The following DPP10 variants were observed in gnomAD, a reference collection of about 807,000 sequenced individuals.
DPP10 encodes the protein dipeptidyl peptidase like 10.
DPP10 carries 33 observed loss-of-function variants against 120.9 expected under a neutral mutation model. That is an observed-to-expected ratio of 0.27 (90% confidence interval 0.21 to 0.37). The LOEUF is 0.37. Ranked by LOEUF, DPP10 falls within the 10% of genes least tolerant of loss-of-function variation. DPP10 has a pLI of 1.00. For synonymous variants in DPP10, 337 were observed against 326.1 expected (o/e 1.03, Z -0.36); for missense variants, 816 against 942.8 (o/e 0.87, Z 1.76).
chr2:115,074,443 C>T (rs986160920), intron 1 of DPP10, among the ~76,000 whole-genome samples: 2 of 152,116 alleles, frequency 1.3e-5, no homozygotes, highest in African/African-American at 2.4e-5. Context: ...CATAGCCACA[C>T]GTATGAAATT....
chr2:115,499,760 A>T (rs2076588294), intron 4 of DPP10, among the ~76,000 whole-genome samples, 156 bp downstream of exon 4: 1 of 152,178 alleles, frequency 6.6e-6, no homozygotes, highest in South Asian at 2.1e-4. Flanking sequence ...AAATCTATTG[A>T]TAAAAAATAC....
chr2:115,308,108 C>T (rs550470932), intron 1 of DPP10, among the ~76,000 whole-genome samples: 6 of 152,084 alleles, frequency 3.9e-5, no homozygotes, highest in East Asian at 3.9e-4. Context: ...TTAAATCTGC[C>T]GGGTTTATGG....
At chr2:114,621,259 T>C (rs1694071608) in intron 1 of DPP10, among the ~76,000 whole-genome samples, 1 of 152,090 alleles carries the variant, frequency 6.6e-6, no homozygotes, top group East Asian at 1.9e-4. Flanking sequence ...AGAACCAAAC[T>C]TCTAGAAATC....
intron 1 of DPP10, among the ~76,000 whole-genome samples, chr2:114,605,247 A>G (rs1296936542): frequency 3.3e-5 from 5 of 152,052 alleles, no homozygotes; most frequent in Non-Finnish European, 7.4e-5. Context: ...AATCAGTACA[A>G]ATACAGTTAA....
intron 1 of DPP10, among the ~76,000 whole-genome samples, chr2:115,308,785 G>C (rs2106020459): frequency 6.6e-6 from 1 of 150,784 alleles, no homozygotes; most frequent in Non-Finnish European, 1.5e-5. Flanking sequence ...TGCAGTGAGG[G>C]ACATTTTGAA....
At chr2:115,188,059 CAAAG>C (rs2054586564) in intron 1 of DPP10, among the ~76,000 whole-genome samples, 1 of 117,254 alleles carries the variant, frequency 8.5e-6, no homozygotes, top group African/African-American at 3.6e-5. Flanking sequence ...GAGAGAGAGG[CAAAG>C]AGAGAGAGAG....
In DPP10 at chr2:115,798,058, T is replaced by C. The variant is rs1193604026; in HGVS notation, c.1700+6702T>C. Among the ~76,000 whole-genome samples the C allele has an allele frequency of 2.0e-5, 3 of 152,044 alleles. No homozygotes were observed. In the East Asian group the frequency reaches 5.8e-4, roughly 29 times the overall value. ...AGATATGCATGGATTCACAGAATTA[T>C]ATGAATGATATAATATGGTTTCATA... On this transcript the variant is annotated intron_variant, in intron 19 of 25. Coordinates refer to ENST00000410059, the MANE Select transcript of DPP10 (RefSeq NM_020868.6).
intron 1 of DPP10, among the ~76,000 whole-genome samples, chr2:114,735,826 T>A (rs1677374022): frequency 2.0e-5 from 3 of 151,992 alleles, no homozygotes; most frequent in African/African-American, 7.2e-5. Flanking sequence ...ACCAGAGTGA[T>A]GAGTAGGAGA....
chr2:114,442,861 G>C, intron 1 of DPP10, 23 bp downstream of exon 1: 1 of 1,612,854 alleles, frequency 6.2e-7, no homozygotes, highest in African/African-American at 1.3e-5. Context: ...TTTTCCCTCT[G>C]CTTCTGCACA....
intron 19 of DPP10, among the ~76,000 whole-genome samples, chr2:115,798,676 A>T (rs948813439): frequency 5.9e-5 from 9 of 152,114 alleles, no homozygotes; most frequent in Admixed American, 2.0e-4. Context: ...AGGAGATATA[A>T]AACTTGGGAA....
At chr2:115,803,584 C>A (rs1685536449) in intron 19 of DPP10, among the ~76,000 whole-genome samples, 1 of 152,080 alleles carries the variant, frequency 6.6e-6, no homozygotes, top group African/African-American at 2.4e-5. Context: ...TGTTCCTTTC[C>A]ATGTTTAGTG....
At chr2:115,561,839 T>G (rs910450919) in intron 5 of DPP10, among the ~76,000 whole-genome samples, 5 of 152,228 alleles carry the variant, frequency 3.3e-5, no homozygotes, top group African/African-American at 1.2e-4. Flanking sequence ...CTGCATCGCT[T>G]TGCCGCTTCT....
At chr2:114,541,577 G>T (rs925308545) in intron 1 of DPP10, among the ~76,000 whole-genome samples, 1 of 152,046 alleles carries the variant, frequency 6.6e-6, no homozygotes, top group African/African-American at 2.4e-5. Context: ...AGAAGGCTAA[G>T]CTTTAAGTTA....
At chr2:114,738,100 T>C (rs1677642705) in intron 1 of DPP10, among the ~76,000 whole-genome samples, 1 of 152,098 alleles carries the variant, frequency 6.6e-6, no homozygotes, top group African/African-American at 2.4e-5. Context: ...TGCTACACAC[T>C]TTGAAACAAC....
chr2:114,695,729 A>C (rs566281453), intron 1 of DPP10, among the ~76,000 whole-genome samples: 3 of 152,098 alleles, frequency 2.0e-5, no homozygotes, highest in African/African-American at 7.2e-5. Context: ...GGAGAATTAC[A>C]TTTCAAATTC....
chr2:114,643,450 G>A (rs1183683853), intron 1 of DPP10, among the ~76,000 whole-genome samples: 1 of 151,870 alleles, frequency 6.6e-6, no homozygotes, highest in Non-Finnish European at 1.5e-5. Flanking sequence ...ACTCTCTGGA[G>A]CATGCAGGAT....
rs2092992816 is a variant in DPP10, at chr2:115,734,689, A to G, written c.698-5050A>G. ...AAAAAAAAAAAAAAAAAAAGAACTT[A>G]GAGTTTACACTCAATTGGCCCTTAG... is the stretch of plus-strand genomic sequence containing the variant. On this transcript the variant is annotated intron_variant, in intron 8 of 25. Coordinates refer to ENST00000410059, the MANE Select transcript of DPP10 (RefSeq NM_020868.6). 2.7e-5 allele frequency among the ~76,000 whole-genome samples: 4 copies of G among 148,246 alleles called. No individual in the cohort carries two copies. In the Admixed American group the frequency reaches 2.7e-4, roughly 10 times the overall value.
At chr2:115,237,437 C>T (rs984042442) in intron 1 of DPP10, among the ~76,000 whole-genome samples, 15 of 152,110 alleles carry the variant, frequency 9.9e-5, no homozygotes, top group Non-Finnish European at 1.6e-4. Context: ...TCCATACTCC[C>T]TGATACACAG....
rs573812439 is a variant in DPP10 at position 115,769,669 on chromosome 2, A to G, written c.1221+1265A>G. ...AATGCATTTATAGATGCATTTATAT[A>G]TGCATTTATAGATGAATAAAATTTT... On this transcript the variant is annotated intron_variant, in intron 13 of 25. Coordinates refer to ENST00000410059, the MANE Select transcript of DPP10 (RefSeq NM_020868.6). Among the ~76,000 whole-genome samples, 228 of 152,112 alleles carry G rather than the reference A, an allele frequency of 1.5e-3. 1 individual carries two copies. Among genetic ancestry groups the G allele is most frequent in the Middle Eastern group, 3.5e-3 (1 of 282 alleles).
Sources: gnomAD v4.1 joint callset for allele counts (sites outside exome capture counted in the v4.1 genomes callset) on GRCh38, gnomAD v4.1.1 for gene constraint, MANE v1.5 for transcripts, NCBI Gene and HGNC (gene_info 2026-07-23, HGNC 2026-07-21) for gene names.